STXBP3: variants seen among roughly 807,000 people sequenced by gnomAD.
The protein encoded by STXBP3 is syntaxin binding protein 3.
Under a neutral mutation model 85.7 loss-of-function variants are expected in STXBP3, and 41 were observed. That is an observed-to-expected ratio of 0.48 (90% CI 0.37 to 0.62). The LOEUF (loss-of-function observed/expected upper bound fraction) is 0.62. Ranked by LOEUF, STXBP3 falls within the 20% of genes least tolerant of loss-of-function variation. The probability of loss-of-function intolerance (pLI) is 0.00; values close to 1 mark genes in which losing one functional copy is unlikely to be tolerated. For synonymous variants in STXBP3, 229 were observed against 231.7 expected (o/e 0.99, Z 0.10); for missense variants, 563 against 703.1 (o/e 0.80, Z 2.25).
chr1:108,782,792 T>C (rs1421236275), intron 11 of STXBP3, 86 bp downstream of exon 11: 3 of 1,296,728 alleles, frequency 2.3e-6, no homozygotes, highest in African/African-American at 3.0e-5. Flanking sequence ...CTGTAACTTT[T>C]TATTTTTGGA....
At chr1:108,800,121 TA>T in intron 16 of STXBP3, 98 bp from the exon 17 acceptor site, 1 of 775,688 alleles carries the variant, frequency 1.3e-6, no homozygotes, top group Non-Finnish European at 2.3e-6. Context: ...TATTTATGTC[TA>T]AGGTTCCTCA....
chr1:108,808,500 T>C lies in STXBP3; in HGVS notation c.1685-283T>C, dbSNP rs533129426. ...ACAATAACTGTTATAGTGCTGAGGA[T>C]AGGATAATCCCGTTTTGCCCTTCAT... On this transcript the variant is annotated intron_variant, in intron 18 of 18. Coordinates refer to ENST00000370008, the MANE Select transcript of STXBP3 (RefSeq NM_007269.4). 8.1e-4 allele frequency among the ~76,000 whole-genome samples: 124 copies of C among 152,358 alleles called. 1 individual carries two copies. The highest frequency in any genetic ancestry group is 7.1e-4 in the Non-Finnish European group (48 of 68,028).
intron 6 of STXBP3, among the ~76,000 whole-genome samples, chr1:108,765,820 T>C (rs893306780): frequency 1.3e-5 from 2 of 150,556 alleles, no homozygotes; most frequent in African/African-American, 4.9e-5. Flanking sequence ...GTGCTGGGAT[T>C]ACAGGTGTGA....
intron 4 of STXBP3, chr1:108,756,987 C>T: frequency 3.1e-6 from 1 of 324,406 alleles, no homozygotes; most frequent in Non-Finnish European, 5.6e-6. Context: ...TATATGAAAG[C>T]AGAATTAAAT....
intron 18 of STXBP3, among the ~76,000 whole-genome samples, chr1:108,808,042 A>G (rs1027685007): frequency 2.6e-5 from 4 of 152,190 alleles, no homozygotes; most frequent in Non-Finnish European, 4.4e-5. Flanking sequence ...TGATAGTTTT[A>G]TTTTAAAATG....
chr1:108,747,046 A>G (rs1303331702), intron 1 of STXBP3, among the ~76,000 whole-genome samples: 1 of 142,300 alleles, frequency 7.0e-6, no homozygotes, highest in Non-Finnish European at 1.6e-5. Context: ...CTGGCCGCGA[A>G]GCTCCGCCCC....
At chr1:108,774,635 CTTT>C (rs1662546474) in intron 7 of STXBP3, among the ~76,000 whole-genome samples, 3 of 121,446 alleles carry the variant, frequency 2.5e-5, no homozygotes, top group Admixed American at 1.0e-4. Context: ...TTCTCTCTTT[CTTT>C]CCTTTTTTTT....
At chr1:108,771,313 G>C (rs1317700512) in intron 6 of STXBP3, among the ~76,000 whole-genome samples, 1 of 142,904 alleles carries the variant, frequency 7.0e-6, no homozygotes, top group Non-Finnish European at 1.5e-5. Context: ...AGCATGGTTA[G>C]TGCAAGTATT....
chr1:108,772,380 ATATCTGTATATATAAATACATATGATATC>A lies in STXBP3; in HGVS notation c.439-245_439-217del, dbSNP rs1557806628. On this transcript the variant is annotated intron_variant, in intron 6 of 18. Coordinates refer to ENST00000370008, the MANE Select transcript of STXBP3 (RefSeq NM_007269.4). Reference sequence around the variant, plus strand: ...TCTGTATCATATATAAATACATATGATATCTGTATATATAAATACATATGATATCTATCTGTATATATAAATACATATGA... The same window carrying A: ...TCTGTATCATATATAAATACATATGATATCTGTATATATAAATACATATGA... Among the ~76,000 whole-genome samples the A allele has an allele frequency of 3.3e-4, 14 of 41,946 alleles. 5 individuals are homozygous for A. The highest frequency in any genetic ancestry group is 6.7e-4 in the Non-Finnish European group (12 of 17,990). The allele number at this position is 41,946 out of a possible 152,430, so 27.5% of individuals were successfully genotyped here.
intron 11 of STXBP3, among the ~76,000 whole-genome samples, chr1:108,785,591 G>A (rs894892373): frequency 3.9e-5 from 6 of 152,080 alleles, no homozygotes; most frequent in African/African-American, 1.4e-4. Flanking sequence ...TTAACATTTG[G>A]CTCCTTGTTT....
intron 8 of STXBP3, among the ~76,000 whole-genome samples, chr1:108,776,948 A>G (rs894045047): frequency 6.6e-6 from 1 of 152,170 alleles, no homozygotes; most frequent in Middle Eastern, 3.2e-3. Flanking sequence ...TTAAGTTAGC[A>G]TGTAAGTATT....
intron 17 of STXBP3, among the ~76,000 whole-genome samples, chr1:108,803,513 G>C (rs1223008135): frequency 6.6e-6 from 1 of 152,060 alleles, no homozygotes; most frequent in Non-Finnish European, 1.5e-5. Flanking sequence ...TTCCAAGACA[G>C]AGTCTTGCTC....
chr1:108,762,161 A>G (rs1307314742), intron 6 of STXBP3, among the ~76,000 whole-genome samples: 1 of 152,248 alleles, frequency 6.6e-6, no homozygotes, highest in Non-Finnish European at 1.5e-5. Context: ...TGTTAAATGC[A>G]AAGCAGTCTA....
intron 15 of STXBP3, among the ~76,000 whole-genome samples, chr1:108,797,715 G>GT (rs1377705069): frequency 1.3e-5 from 2 of 150,570 alleles, no homozygotes; most frequent in African/African-American, 2.4e-5. Flanking sequence ...GCCCCATCAA[G>GT]TTTTTTTGTG....
At chr1:108,773,031 A>G (rs1202164104) in intron 7 of STXBP3, among the ~76,000 whole-genome samples, 1 of 152,166 alleles carries the variant, frequency 6.6e-6, no homozygotes, top group Non-Finnish European at 1.5e-5. Flanking sequence ...TAAATTTGGT[A>G]CAATTTACGG....
chr1:108,802,533 G>A (rs1663253470), intron 17 of STXBP3, among the ~76,000 whole-genome samples: 1 of 152,170 alleles, frequency 6.6e-6, no homozygotes, highest in African/African-American at 2.4e-5. Context: ...CACCAATGCA[G>A]TAAAGCTATA....
chr1:108,799,196 CT>C (rs1478287977), intron 16 of STXBP3, among the ~76,000 whole-genome samples: 1 of 152,044 alleles, frequency 6.6e-6, no homozygotes, highest in Non-Finnish European at 1.5e-5. Context: ...CTCTGTTTTG[CT>C]TGGCTAATTT....
At position 108,800,282 on chromosome 1, in the gene STXBP3, A is replaced by G. The variant is rs776223268; in HGVS notation, c.1512A>G (p.Val504=). The change falls in exon 17 of 19, where the codon GTA becomes GTG. Residue 504 remains valine (V), a synonymous_variant. Coordinates refer to ENST00000370008, the MANE Select transcript of STXBP3 (RefSeq NM_007269.4). ...CATATTGTTCCCAGTGTCCAGCAGTATGGAATGGTTCAGGAGCTGTAAGGT... is the reference window on the plus strand; with the variant it reads ...CATATTGTTCCCAGTGTCCAGCAGTGTGGAATGGTTCAGGAGCTGTAAGGT... ...EWPYCSQCPA[V]WNGSGAVSAR... is the part of the protein sequence containing the mutation. The G allele has an allele frequency of 5.3e-5, 86 of 1,611,922 alleles. No individual in the cohort carries two copies. Among genetic ancestry groups the G allele is most frequent in the Non-Finnish European group, 7.1e-5 (84 of 1,178,166 alleles).
Position 108,796,225 on chromosome 1 carries a change from T to G in STXBP3, c.1111-9T>G. ...TATAGATCACTGACAATATTTTATTTTCATTAAGGACCTGGCACTTGGAAC... is the reference window on the plus strand; with the variant it reads ...TATAGATCACTGACAATATTTTATTGTCATTAAGGACCTGGCACTTGGAAC... On this transcript the variant is annotated splice_polypyrimidine_tract_variant and intron_variant, in intron 13 of 18. Transcript: ENST00000370008. The G allele has an allele frequency of 6.3e-7, 1 of 1,596,692 alleles. No individual in the cohort carries two copies.
Sources: gnomAD v4.1 joint callset for allele counts (sites outside exome capture counted in the v4.1 genomes callset) on GRCh38, gnomAD v4.1.1 for gene constraint, MANE v1.5 for transcripts, NCBI Gene and HGNC (gene_info 2026-07-23, HGNC 2026-07-21) for gene names.